Variants in PICALM observed in about 807,000 individuals in gnomAD.
PICALM encodes phosphatidylinositol-binding clathrin assembly protein.
In PICALM, 40 loss-of-function variants were observed where a neutral mutation model predicts 80.5. That is an observed-to-expected ratio of 0.50 (90% CI 0.39 to 0.65). The LOEUF (loss-of-function observed/expected upper bound fraction) is 0.65, where lower values mean the gene tolerates loss of function less well. Among genes scored for constraint, PICALM ranks in the 30% least tolerant of loss-of-function variants. The pLI is 0.00. For synonymous variants in PICALM, 288 were observed against 260.3 expected, an observed-to-expected ratio of 1.11 and a Z score of -1.02; for missense variants, 676 against 778.9, an observed-to-expected ratio of 0.87 and a Z score of 1.57.
At chr11:85,971,158 C>CA (rs2094099696) in intron 19 of PICALM, among the ~76,000 whole-genome samples, 1 of 152,206 alleles carries the variant, frequency 6.6e-6, no homozygotes, top group Non-Finnish European at 1.5e-5. Flanking sequence ...AAAGCTTCTT[C>CA]AAGCCATTTC....
At chr11:85,962,656 T>A in intron 19 of PICALM, among the ~76,000 whole-genome samples, 1 of 152,176 alleles carries the variant, frequency 6.6e-6, no homozygotes, top group East Asian at 1.9e-4. Context: ...CTCCTAGTAG[T>A]CTCTTAAATT....
chr11:86,016,992 G>A (rs1592955295), intron 4 of PICALM, among the ~76,000 whole-genome samples: 1 of 152,232 alleles, frequency 6.6e-6, no homozygotes, highest in African/African-American at 2.4e-5. Context: ...GAGGCTGAGG[G>A]GCGAGTGGAT....
intron 1 of PICALM, among the ~76,000 whole-genome samples, chr11:86,062,637 T>C (rs1322625339): frequency 6.6e-6 from 1 of 152,104 alleles, no homozygotes; most frequent in Non-Finnish European, 1.5e-5. Flanking sequence ...ATCTTGATAA[T>C]AATATAACTT....
intron 1 of PICALM, 61 bp downstream of exon 1, chr11:86,068,590 G>C: frequency 6.6e-7 from 1 of 1,512,912 alleles, no homozygotes; most frequent in Non-Finnish European, 9.0e-7. Flanking sequence ...GAGAGAGAGA[G>C]AAGGACGCGC....
intron 1 of PICALM, among the ~76,000 whole-genome samples, chr11:86,033,117 A>T (rs768863178): frequency 3.9e-5 from 6 of 152,204 alleles, no homozygotes; most frequent in Non-Finnish European, 7.3e-5. Context: ...AGAGTAAAAA[A>T]TGGAATTTAA....
At chr11:86,041,405 C>A (rs1026069288) in intron 1 of PICALM, among the ~76,000 whole-genome samples, 1 of 152,118 alleles carries the variant, frequency 6.6e-6, no homozygotes, top group African/African-American at 2.4e-5. Flanking sequence ...TTATGAACTA[C>A]CTCAATAAAA....
chr11:86,069,113 G>C (rs914209688), upstream of PICALM: 1 of 277,638 alleles, frequency 3.6e-6, no homozygotes, highest in Non-Finnish European at 6.9e-6. Context: ...GGAGCTTTCC[G>C]GGCTGCCCCG....
intron 1 of PICALM, among the ~76,000 whole-genome samples, chr11:86,053,891 T>C (rs956146136): frequency 6.6e-6 from 1 of 152,192 alleles, no homozygotes; most frequent in African/African-American, 2.4e-5. Context: ...CCTTGTTTGG[T>C]AGAAATCCAG....
At chr11:86,069,295 T>G (rs1437572907), upstream of PICALM, 2 of 167,228 alleles carry the variant, frequency 1.2e-5, no homozygotes, top group East Asian at 1.2e-4. Flanking sequence ...CCGAGGGGAG[T>G]GCACAGCCGG....
intron 18 of PICALM, 33 bp downstream of exon 18, chr11:85,976,590 T>C: frequency 1.5e-6 from 2 of 1,333,644 alleles, no homozygotes; most frequent in Non-Finnish European, 1.1e-6. Flanking sequence ...AATCAATATT[T>C]TTTCCAAAAG....
chr11:86,043,456 A>C (rs1441542512), intron 1 of PICALM, among the ~76,000 whole-genome samples: 1 of 152,222 alleles, frequency 6.6e-6, no homozygotes, highest in Non-Finnish European at 1.5e-5. Context: ...AGTTAGAGAC[A>C]TTAGAATTTT....
chr11:86,063,716 G>C (rs1300076319), intron 1 of PICALM, among the ~76,000 whole-genome samples: 13 of 152,040 alleles, frequency 8.6e-5, no homozygotes, highest in Non-Finnish European at 1.9e-4. Flanking sequence ...CTACCACTTT[G>C]ATAACTCTAT....
chr11:85,981,121 C>A lies in PICALM; in HGVS notation c.1779+8G>T. 1 of 1,419,368 alleles carries A rather than the reference C, an allele frequency of 7.0e-7. No individual in the cohort carries two copies. The highest frequency in any genetic ancestry group is 1.2e-5 in the South Asian group (1 of 85,972). The allele number at this position is 1,419,368 out of a possible 1,614,324, so 87.9% of individuals were successfully genotyped here. On this transcript the variant is annotated splice_region_variant and intron_variant, in intron 17 of 19. Transcript: ENST00000393346. Reference sequence around the variant, plus strand: ...ACTGTTAGTCTATCAGGAGCTTTTTCAACTCACCATTGTTGCAGCATTCCA... The same window carrying A: ...ACTGTTAGTCTATCAGGAGCTTTTTAAACTCACCATTGTTGCAGCATTCCA...
intron 17 of PICALM, chr11:85,978,750 A>T (rs1386127852): frequency 1.3e-5 from 2 of 152,224 alleles, no homozygotes; most frequent in Admixed American, 1.3e-4. Context: ...ACTTAAATAC[A>T]AATTCTACAT....
Position 86,005,979 on chromosome 11 carries a change from C to T in PICALM, c.807+1563G>A, listed in dbSNP as rs140563397. Among the ~76,000 whole-genome samples the T allele has an allele frequency of 2.4e-3, 371 of 152,242 alleles. 13 individuals are homozygous for T. The highest frequency in any genetic ancestry group is 0.021 in the Admixed American group (316 of 15,296). The stretch of plus-strand genomic sequence containing the variant: ...AGGTTAAAGAACCCTACTCTAATTA[C>T]AATAGGGTGAATATTAACATACACA... On this transcript the variant is annotated intron_variant, in intron 8 of 19. Coordinates refer to ENST00000393346, the MANE Select transcript of PICALM (RefSeq NM_007166.4).
chr11:86,010,045 A>G (rs1398683610), intron 7 of PICALM, among the ~76,000 whole-genome samples: 1 of 152,172 alleles, frequency 6.6e-6, no homozygotes, highest in Non-Finnish European at 1.5e-5. Flanking sequence ...GCTAATTCCA[A>G]AGTAACTGCT....
At chr11:86,056,396 C>T (rs960013899) in intron 1 of PICALM, among the ~76,000 whole-genome samples, 2 of 147,596 alleles carry the variant, frequency 1.4e-5, no homozygotes, top group African/African-American at 4.9e-5. Flanking sequence ...TCAATAACCA[C>T]ATAAAGAAAT....
intron 7 of PICALM, 149 bp from the exon 8 acceptor site, chr11:86,007,732 A>T (rs1366796966): frequency 6.5e-6 from 2 of 307,594 alleles, no homozygotes; most frequent in Non-Finnish European, 1.2e-5. Flanking sequence ...AATACTCAAC[A>T]TTTCCAATGG....
In PICALM at chr11:85,963,069, A is replaced by G. The variant is rs138087392; in HGVS notation, c.1945-4009T>C. 3.5e-3 allele frequency among the ~76,000 whole-genome samples: 530 copies of G among 152,334 alleles called. 4 individuals carry two copies. The highest frequency in any genetic ancestry group is 0.012 in the African/African-American group (511 of 41,578). On this transcript the variant is annotated intron_variant, in intron 19 of 19. Transcript: ENST00000393346. Reference sequence around the variant, plus strand: ...TGAGAAGTAGGAGAATTTTAAAACTATAAGAGCTGACTTGACTCTACTTAT... The same window carrying G: ...TGAGAAGTAGGAGAATTTTAAAACTGTAAGAGCTGACTTGACTCTACTTAT...
Sources: gnomAD v4.1 joint callset for allele counts (sites outside exome capture counted in the v4.1 genomes callset) on GRCh38, gnomAD v4.1.1 for gene constraint, MANE v1.5 for transcripts, NCBI Gene and HGNC (gene_info 2026-07-23, HGNC 2026-07-21) for gene names.